The following PI4KB variants were observed in gnomAD, a reference collection of about 807,000 sequenced individuals.
PI4KB encodes phosphatidylinositol 4-kinase beta.
PI4KB carries 23 observed loss-of-function variants against 81.4 expected under a neutral mutation model. The ratio of observed to expected loss-of-function variants is 0.28; its 90% CI spans 0.20 to 0.40. The LOEUF (loss-of-function observed/expected upper bound fraction) is 0.40, where lower values mean the gene tolerates loss of function less well. Ranked by LOEUF, PI4KB falls within the 10% of genes least tolerant of loss-of-function variation. The pLI is 1.00. For synonymous variants in PI4KB, 381 were observed against 406.8 expected (o/e 0.94, Z 0.76); for missense variants, 651 against 1,036.6 (o/e 0.63, Z 5.11).
chr1:151,292,810 G>T lies in PI4KB; in HGVS notation c.*42C>A, dbSNP rs770541827. The T allele has an allele frequency of 7.6e-6, 12 of 1,584,794 alleles. No homozygotes were observed. The East Asian group carries it at 2.5e-4, about 33-fold the overall frequency. On this transcript the variant is annotated 3_prime_UTR_variant, in exon 12 of 12. Transcript: ENST00000368873. ...TTCTCAGACAAGGGCCCTCTAGGGA[G>T]GGTGCCCTGGACCCCCCACCACTCC... is the stretch of plus-strand genomic sequence containing the variant.
chr1:151,321,698 C>A (rs1301685534), intron 1 of PI4KB, among the ~76,000 whole-genome samples: 2 of 151,444 alleles, frequency 1.3e-5, no homozygotes, highest in African/African-American at 4.8e-5. Flanking sequence ...ACAGTGAAAC[C>A]CCGTCTCTAC....
rs1694625464 is a variant in PI4KB, at chr1:151,294,548, A to G, written c.2016-7T>C. 6.2e-7 allele frequency: 1 copy of G among 1,613,744 alleles called. No homozygotes were observed. ...AAGGATATTCCCATTGTGTCTGAGG[A>G]GGGGGAATAGAGGAGAGGAAGAGGC... On this transcript the variant is annotated splice_polypyrimidine_tract_variant and splice_region_variant and intron_variant, in intron 9 of 11. Coordinates refer to ENST00000368873, the MANE Select transcript of PI4KB (RefSeq NM_001369623.2).
intron 1 of PI4KB, among the ~76,000 whole-genome samples, chr1:151,321,217 T>A (rs1648797714): frequency 6.6e-6 from 1 of 152,128 alleles, no homozygotes; most frequent in African/African-American, 2.4e-5. Flanking sequence ...CTCTCCTATA[T>A]AAGCAGCTCT....
intron 1 of PI4KB, among the ~76,000 whole-genome samples, 181 bp from the exon 2 acceptor site, chr1:151,316,690 C>T (rs1647995593): frequency 2.0e-5 from 3 of 152,356 alleles, no homozygotes; most frequent in African/African-American, 7.2e-5. Flanking sequence ...TCCTGACTAC[C>T]TCCACTTCTG....
At chr1:151,324,075 C>T (rs1649264719) in intron 1 of PI4KB, among the ~76,000 whole-genome samples, 1 of 151,938 alleles carries the variant, frequency 6.6e-6, no homozygotes, top group Non-Finnish European at 1.5e-5. Flanking sequence ...CTCAGCCTCC[C>T]GAGTAGCTGG....
intron 1 of PI4KB, among the ~76,000 whole-genome samples, chr1:151,323,576 T>C (rs1301908534): frequency 2.1e-4 from 26 of 125,646 alleles, no homozygotes; most frequent in African/African-American, 3.4e-4. Flanking sequence ...ATACAAAAAC[T>C]TAGCCAGGCG....
intron 2 of PI4KB, among the ~76,000 whole-genome samples, chr1:151,311,684 T>C (rs587749715): frequency 1.1e-3 from 175 of 152,368 alleles, no homozygotes; most frequent in African/African-American, 4.1e-3. Flanking sequence ...AGACAGGTCC[T>C]GTCTGACTCA....
At chr1:151,322,254 C>G (rs1648958698) in intron 1 of PI4KB, among the ~76,000 whole-genome samples, 1 of 152,134 alleles carries the variant, frequency 6.6e-6, no homozygotes, top group Non-Finnish European at 1.5e-5. Flanking sequence ...GTCTGAGTGA[C>G]AAGGAATTGT....
chr1:151,292,815 C>T lies in PI4KB; in HGVS notation c.*37G>A, dbSNP rs759964689. The T allele has an allele frequency of 2.5e-6, 4 of 1,596,590 alleles. No homozygotes were observed. The highest frequency in any genetic ancestry group is 2.2e-5 in the East Asian group (1 of 44,630). The stretch of plus-strand genomic sequence containing the variant: ...AGACAAGGGCCCTCTAGGGAGGGTG[C>T]CCTGGACCCCCCACCACTCCTGGGC... On this transcript the variant is annotated 3_prime_UTR_variant, in exon 12 of 12. Transcript: ENST00000368873.
chr1:151,327,215 G>GTGGGGGGCCCCCCCCCC, intron 1 of PI4KB, 56 bp downstream of exon 1: 1 of 49,688 alleles, frequency 2.0e-5, no homozygotes, highest in Non-Finnish European at 4.5e-5. Flanking sequence ...GTGGGAGAGG[G>GTGGGGGGCCCCCCCCCC]ACCCCCCCCC....
At chr1:151,314,713 C>A (rs901624816) in intron 2 of PI4KB, among the ~76,000 whole-genome samples, 1 of 152,162 alleles carries the variant, frequency 6.6e-6, no homozygotes, top group African/African-American at 2.4e-5. Context: ...AAGAAATAAA[C>A]CTTACACTTA....
chr1:151,314,363 AC>A (rs1276367329), intron 2 of PI4KB, among the ~76,000 whole-genome samples: 2 of 152,192 alleles, frequency 1.3e-5, no homozygotes, highest in Non-Finnish European at 2.9e-5. Flanking sequence ...GGACTGGAGC[AC>A]CATTGTCTGG....
chr1:151,303,363 T>C (rs976109666), intron 6 of PI4KB, 178 bp downstream of exon 6: 14 of 616,734 alleles, frequency 2.3e-5, no homozygotes, highest in African/African-American at 7.3e-5. Context: ...GTAGCCCAAG[T>C]AATTTCTCAA....
At chr1:151,313,090 G>A (rs903296833) in intron 2 of PI4KB, among the ~76,000 whole-genome samples, 3 of 152,158 alleles carry the variant, frequency 2.0e-5, no homozygotes, top group African/African-American at 7.2e-5. Context: ...AAGGACGGAT[G>A]GAAGGAAAAG....
At position 151,292,879 on chromosome 1, in the gene PI4KB, G is replaced by A; in HGVS notation, c.2424C>T (p.Phe808=). 3.1e-6 allele frequency: 5 copies of A among 1,614,124 alleles called. No individual in the cohort carries two copies. The highest frequency in any genetic ancestry group is 4.2e-6 in the Non-Finnish European group (5 of 1,180,012). Residue 808 remains phenylalanine, a synonymous_variant, in exon 12 of 12, where the codon TTC becomes TTT. Coordinates refer to ENST00000368873, the MANE Select transcript of PI4KB (RefSeq NM_001369623.2). The stretch of plus-strand genomic sequence containing the variant: ...ACATGATGCCGTTGGTGAGGTACTG[G>A]AAGCCGTCATAGAGTTTGGTGGTGA... The part of the protein sequence containing the change: ...RSITTKLYDG[F]QYLTNGIM
intron 7 of PI4KB, 62 bp from the exon 8 acceptor site, chr1:151,302,029 C>A: frequency 6.2e-7 from 1 of 1,602,120 alleles, no homozygotes; most frequent in Non-Finnish European, 8.5e-7. Flanking sequence ...AGAGACATGG[C>A]TTCCACAAAA....
chr1:151,324,626 G>A (rs909372187), intron 1 of PI4KB: 11 of 275,082 alleles, frequency 4.0e-5, no homozygotes, highest in Non-Finnish European at 2.2e-5. Context: ...ATTGATTCAG[G>A]CTGAGAACTC....
intron 4 of PI4KB, 163 bp from the exon 5 acceptor site, chr1:151,306,526 C>T: frequency 1.7e-6 from 1 of 602,196 alleles, no homozygotes; most frequent in Non-Finnish European, 3.0e-6. Flanking sequence ...GATACTTGTC[C>T]TATGATCACC....
At position 151,294,153 on chromosome 1, in the gene PI4KB, G is replaced by C. The variant is rs112156834; in HGVS notation, c.2149-15C>G. On this transcript the variant is annotated splice_polypyrimidine_tract_variant and intron_variant, in intron 10 of 11. Transcript: ENST00000368873. ...CCGCCCATCACCTGGAAAGGGAAGA[G>C]AGCGTTGTGTGCACAAGGGGTCTTA... 5.0e-6 allele frequency: 8 copies of C among 1,609,000 alleles called. No individual in the cohort carries two copies. The East Asian group carries it at 1.3e-4, about 27-fold the overall frequency.
Sources: allele counts gnomAD v4.1 joint callset (sites outside exome capture counted in the v4.1 genomes callset), GRCh38; gene constraint gnomAD v4.1.1; transcripts MANE v1.5; gene names NCBI Gene and HGNC (gene_info 2026-07-23, HGNC 2026-07-21).